TENM1: variants seen among roughly 807,000 people sequenced by gnomAD.
TENM1 encodes the protein teneurin-1.
TENM1 carries 35 observed loss-of-function variants against 174.8 expected under a neutral mutation model. The observed-to-expected ratio is 0.20, with a 90% CI of 0.15 to 0.27. The LOEUF (loss-of-function observed/expected upper bound fraction) is 0.27. TENM1 is among the 10% of genes least tolerant of loss of function. TENM1 has a pLI of 1.00. For synonymous variants in TENM1, 781 were observed against 798.7 expected (o/e 0.98, Z 0.37); for missense variants, 1,633 against 2,130.1 (o/e 0.77, Z 4.59).
chrX:124,999,029 C>T, the TENM1 span, among the ~76,000 whole-genome samples: 2 of 110,522 alleles, frequency 1.8e-5, no homozygotes, highest in African/African-American at 3.3e-5. Context: ...GATATCAATC[C>T]GGATAAATTC....
At chrX:125,160,907 C>T in the TENM1 span, among the ~76,000 whole-genome samples, 1 of 109,906 alleles carries the variant, frequency 9.1e-6, no homozygotes, top group Non-Finnish European at 1.9e-5. Flanking sequence ...AATCATAGAG[C>T]TAACTGATGA....
intron 22 of TENM1, among the ~76,000 whole-genome samples, chrX:124,468,775 TG>T (rs1338457754): frequency 2.7e-5 from 3 of 112,294 alleles, no homozygotes; most frequent in Non-Finnish European, 5.6e-5. Flanking sequence ...TAGTAAATAT[TG>T]TTATGTATAT....
chrX:124,784,124 C>A (rs1186649289), intron 3 of TENM1, among the ~76,000 whole-genome samples: 5 of 112,065 alleles, frequency 4.5e-5, no homozygotes, highest in Admixed American at 3.8e-4. Context: ...ACAGTCTCCA[C>A]AAAATAACAA....
At chrX:125,131,555 T>G in the TENM1 span, among the ~76,000 whole-genome samples, 1 of 112,054 alleles carries the variant, frequency 8.9e-6, no homozygotes, top group Non-Finnish European at 1.9e-5. Flanking sequence ...AACCAGGGAT[T>G]TCTCTGGTGG....
intron 22 of TENM1, among the ~76,000 whole-genome samples, chrX:124,453,789 A>T (rs2061071014): frequency 9.0e-6 from 1 of 111,650 alleles, no homozygotes; most frequent in African/African-American, 3.3e-5. Context: ...ACAATAAAAA[A>T]TCATCTTTAA....
chrX:124,517,628 A>G (rs1476386322), intron 18 of TENM1, among the ~76,000 whole-genome samples: 2 of 85,277 alleles, frequency 2.3e-5, no homozygotes, highest in African/African-American at 8.8e-5. Context: ...ACACTTGGAC[A>G]CAGGAAGGGG....
chrX:124,672,864 G>A (rs1306360695), intron 5 of TENM1, among the ~76,000 whole-genome samples: 1 of 111,892 alleles, frequency 8.9e-6, no homozygotes, highest in Non-Finnish European at 1.9e-5. Flanking sequence ...GTGTGTTTGT[G>A]TATGTGTGCA....
intron 21 of TENM1, 139 bp from the exon 25 acceptor site, chrX:124,482,103 G>A (rs2046859076): frequency 2.4e-6 from 1 of 410,448 alleles, no homozygotes. Flanking sequence ...CCAAGGAGAT[G>A]GATACTTCTC....
intron 23 of TENM1, among the ~76,000 whole-genome samples, chrX:124,422,964 T>C (rs1330632303): frequency 8.9e-6 from 1 of 112,004 alleles, no homozygotes; most frequent in Non-Finnish European, 1.9e-5. Flanking sequence ...AAATGCAAAT[T>C]CTCAGGTCCC....
chrX:124,772,124 T>G (rs777819139), intron 3 of TENM1, among the ~76,000 whole-genome samples: 1 of 109,398 alleles, frequency 9.1e-6, no homozygotes, highest in East Asian at 2.8e-4. Context: ...GTGAACCAAA[T>G]CCCCTATATT....
At chrX:124,516,919 T>C (rs772145796) in intron 18 of TENM1, among the ~76,000 whole-genome samples, 19 of 111,426 alleles carry the variant, frequency 1.7e-4, no homozygotes, top group Non-Finnish European at 2.8e-4. Flanking sequence ...CGATGACAGA[T>C]TGGATAAAAA....
At chrX:124,565,505 C>T (rs753212462) in exon 12 of TENM1, 2 of 1,210,216 alleles carry the variant, frequency 1.7e-6, no homozygotes, top group Non-Finnish European at 2.2e-6. Context: ...CTTCTTCACA[C>T]TGGCAAATTC....
Sources: gnomAD v4.1 joint callset for allele counts (sites outside exome capture counted in the v4.1 genomes callset) on GRCh38, gnomAD v4.1.1 for gene constraint, MANE v1.5 for transcripts, NCBI Gene and HGNC (gene_info 2026-07-23, HGNC 2026-07-21) for gene names.